ANOS1: variants seen among roughly 807,000 people sequenced by gnomAD.
ANOS1 encodes the protein anosmin-1.
A neutral mutation model predicts 59.0 loss-of-function variants in ANOS1; 6 were observed. That is an observed-to-expected ratio of 0.10 (90% CI 0.06 to 0.20). The LOEUF (loss-of-function observed/expected upper bound fraction) is 0.20. Among genes scored for constraint, ANOS1 ranks in the 10% least tolerant of loss-of-function variants. The pLI is 1.00. For missense variants in ANOS1, 433 were observed against 542.3 expected (o/e 0.80, Z 2.00); for synonymous variants, 217 against 223.4 (o/e 0.97, Z 0.25).
Position 8,623,601 on chromosome X carries a change from C to T in ANOS1, c.318+7G>A, listed in dbSNP as rs755593605. 3 of 1,193,931 alleles carry T rather than the reference C, an allele frequency of 2.5e-6. No homozygotes were observed. The East Asian group carries it at 8.9e-5, about 35-fold the overall frequency. ...AAGTGTTTTAAGTACCACTGACGTT[C>T]TCCTACCTCACAAAAGCTTTGGCAC... On this transcript the variant is annotated splice_region_variant and intron_variant, in intron 3 of 13. Coordinates refer to ENST00000262648, the MANE Select transcript of ANOS1 (RefSeq NM_000216.4).
chrX:8,668,430 T>TATATATATATATATACAC (rs1394731479), intron 2 of ANOS1, among the ~76,000 whole-genome samples: 1 of 80,244 alleles, frequency 1.2e-5, no homozygotes, highest in African/African-American at 4.9e-5. Flanking sequence ...TATATATATA[T>TATATATATATATATACAC]ACACACACAT....
At chrX:8,701,048 A>G (rs1932752687) in intron 1 of ANOS1, among the ~76,000 whole-genome samples, 1 of 111,933 alleles carries the variant, frequency 8.9e-6, no homozygotes, top group Admixed American at 9.5e-5. Flanking sequence ...ACTATGATTT[A>G]TTATCCTGAA....
chrX:8,650,223 G>C (rs934554623), intron 2 of ANOS1, among the ~76,000 whole-genome samples: 14 of 112,557 alleles, frequency 1.2e-4, no homozygotes, highest in African/African-American at 4.5e-4. Context: ...GCTTTGGAAT[G>C]TGCTGATAAA....
chrX:8,667,736 G>A (rs1356129540), intron 2 of ANOS1, among the ~76,000 whole-genome samples: 1 of 111,154 alleles, frequency 9.0e-6, no homozygotes, highest in Non-Finnish European at 1.9e-5. Flanking sequence ...GTAGAGTAAG[G>A]TAAGGGATTT....
chrX:8,685,252 A>G (rs1162028711), intron 2 of ANOS1, among the ~76,000 whole-genome samples: 3 of 110,849 alleles, frequency 2.7e-5, no homozygotes, highest in Non-Finnish European at 3.8e-5. Context: ...CAACTGAGCT[A>G]TTGCTATTAA....
intron 13 of ANOS1, among the ~76,000 whole-genome samples, chrX:8,533,889 A>C (rs1325220241): frequency 9.1e-6 from 1 of 109,991 alleles, no homozygotes; most frequent in African/African-American, 3.3e-5. Context: ...TTTTTTTCCC[A>C]TATGTATTTA....
intron 1 of ANOS1, among the ~76,000 whole-genome samples, chrX:8,702,955 A>T (rs73199068): frequency 0.065 from 7,269 of 111,698 alleles, 300 homozygotes; most frequent in African/African-American, 0.15. Context: ...CTTGGACTAG[A>T]ATCCTTGACA....
At chrX:8,669,144 A>C (rs1932214360) in intron 2 of ANOS1, among the ~76,000 whole-genome samples, 1 of 111,697 alleles carries the variant, frequency 9.0e-6, no homozygotes, top group Admixed American at 9.5e-5. Flanking sequence ...AAGTCCTTTC[A>C]TTGTGGCTAA....
At chrX:8,535,876 T>C (rs768654044) in intron 11 of ANOS1, 65 bp from the exon 12 acceptor site, 217 of 932,606 alleles carry the variant, frequency 2.3e-4, no homozygotes, top group Non-Finnish European at 3.1e-4. Context: ...AAGGGATCCA[T>C]TGTAGGAATT....
Position 8,666,405 on chromosome X carries a change from C to T in ANOS1, c.255+33293G>A, listed in dbSNP as rs376674048. Among the ~76,000 whole-genome samples the T allele has an allele frequency of 9.0e-5, 10 of 111,075 alleles. No homozygotes were observed. In the East Asian group the frequency reaches 1.4e-3, roughly 16 times the overall value. On this transcript the variant is annotated intron_variant, in intron 2 of 13. Transcript: ENST00000262648. ...TTCACTATTATCAATTCAACAACTC[C>T]CCAACCAGTATTAGATTATTTTCCC... is the stretch of plus-strand genomic sequence containing the variant.
At chrX:8,601,475 G>A (rs1180333636) in intron 3 of ANOS1, among the ~76,000 whole-genome samples, 2 of 111,558 alleles carry the variant, frequency 1.8e-5, no homozygotes, top group Admixed American at 1.9e-4. Context: ...ATTATTTACT[G>A]AACTATTGGG....
intron 2 of ANOS1, among the ~76,000 whole-genome samples, chrX:8,665,500 G>A (rs186874565): frequency 1.8e-5 from 2 of 112,196 alleles, no homozygotes; most frequent in African/African-American, 6.5e-5. Flanking sequence ...ATAGCTAGGT[G>A]GTAGATATAT....
intron 8 of ANOS1, chrX:8,565,793 G>T: frequency 8.2e-6 from 1 of 121,441 alleles, no homozygotes; most frequent in African/African-American, 3.2e-5. Context: ...AGGTATGGGC[G>T]AAAATCCAGA....
At chrX:8,549,599 C>G (rs1219807843) in intron 9 of ANOS1, among the ~76,000 whole-genome samples, 1 of 112,276 alleles carries the variant, frequency 8.9e-6, no homozygotes, top group Non-Finnish European at 1.9e-5. Flanking sequence ...AGGCTCTTTA[C>G]GTCTGTCCTG....
rs1930121520 is a variant in ANOS1, at chrX:8,566,766, A to ATT, written c.1207+1465_1207+1466insAA. ...GAGACTATTTCTCAAACAGATAGAA[A>ATT]TCTCTGTTTCTGGACCATTTTTTGA... On this transcript the variant is annotated intron_variant, in intron 8 of 13. Transcript: ENST00000262648. 3.6e-5 allele frequency among the ~76,000 whole-genome samples: 4 copies of ATT among 111,455 alleles called. No individual in the cohort carries two copies. In the Admixed American group the frequency reaches 3.8e-4, roughly 11 times the overall value.
intron 2 of ANOS1, among the ~76,000 whole-genome samples, chrX:8,664,237 C>T (rs1932090737): frequency 8.9e-6 from 1 of 111,986 alleles, no homozygotes; most frequent in Non-Finnish European, 1.9e-5. Context: ...GTCGCCCAGG[C>T]CGGAGTGCAG....
intron 1 of ANOS1, among the ~76,000 whole-genome samples, chrX:8,703,142 C>T (rs1430638086): frequency 8.9e-6 from 1 of 112,169 alleles, no homozygotes; most frequent in Non-Finnish European, 1.9e-5. Flanking sequence ...TTGTCTGTGT[C>T]TTGGTTGCTC....
At chrX:8,648,001 T>G (rs1209013782) in intron 2 of ANOS1, among the ~76,000 whole-genome samples, 1 of 112,424 alleles carries the variant, frequency 8.9e-6, no homozygotes, top group Admixed American at 9.4e-5. Context: ...TATAAATTGA[T>G]AAATGTTATA....
chrX:8,723,945 T>C (rs1319836454), intron 1 of ANOS1, among the ~76,000 whole-genome samples: 1 of 112,375 alleles, frequency 8.9e-6, no homozygotes, highest in African/African-American at 3.2e-5. Context: ...TCACATTTCA[T>C]TGAATTCTCA....
Sources: gnomAD v4.1 joint callset for allele counts (sites outside exome capture counted in the v4.1 genomes callset) on GRCh38, gnomAD v4.1.1 for gene constraint, MANE v1.5 for transcripts, NCBI Gene and HGNC (gene_info 2026-07-23, HGNC 2026-07-21) for gene names.